The following CDCA7L variants were observed in gnomAD, a reference collection of about 807,000 sequenced individuals.
CDCA7L encodes cell division cycle-associated 7-like protein.
Under a neutral mutation model 57.4 loss-of-function variants are expected in CDCA7L, and 44 were observed. The ratio of observed to expected loss-of-function variants is 0.77; its 90% CI spans 0.60 to 0.98. CDCA7L has a LOEUF of 0.98. Ranked by LOEUF, CDCA7L falls within the 50% of genes least tolerant of loss-of-function variation. CDCA7L has a pLI of 0.00. For synonymous variants in CDCA7L, 236 were observed against 202.8 expected (o/e 1.16, Z -1.39); for missense variants, 644 against 580.6 (o/e 1.11, Z -1.12).
At chr7:21,931,886 G>A (rs942729119) in intron 1 of CDCA7L, among the ~76,000 whole-genome samples, 2 of 152,216 alleles carry the variant, frequency 1.3e-5, no homozygotes, top group African/African-American at 2.4e-5. Context: ...GTTTGCAGAT[G>A]ACATGACTGT....
Position 21,906,826 on chromosome 7 carries a change from T to A in CDCA7L, c.682-187A>T, listed in dbSNP as rs1785157840. Among the ~76,000 whole-genome samples the A allele has an allele frequency of 3.3e-5, 5 of 152,298 alleles. No homozygotes were observed. The South Asian group carries it at 1.0e-3, about 32-fold the overall frequency. On this transcript the variant is annotated intron_variant, in intron 4 of 9. Transcript: ENST00000406877. ...TGTACCTCCAGACCTGAGATGCTGA[T>A]GTCATCATTCATATGAATGAACACT...
In CDCA7L at chr7:21,908,367, G is replaced by A; in HGVS notation, c.444C>T (p.Phe148=). ...GTTTGTTGGCCAGCTTCTTGGTGGG[G>A]AACTGAAAGGCTACTCGAAGACCAA... The part of the protein sequence containing the change: ...SSIGLRVAFQ[F]PTKKLANKPD... The change falls in exon 4 of 10, where the codon TTC becomes TTT. Residue 148 remains phenylalanine (F), a synonymous_variant. Coordinates refer to ENST00000406877, the MANE Select transcript of CDCA7L (RefSeq NM_018719.5). 6.2e-7 allele frequency: 1 copy of A among 1,610,394 alleles called. No homozygotes were observed.
chr7:21,934,068 G>C (rs1371085838), intron 1 of CDCA7L, among the ~76,000 whole-genome samples: 1 of 152,120 alleles, frequency 6.6e-6, no homozygotes, highest in Non-Finnish European at 1.5e-5. Flanking sequence ...ACATTTACAT[G>C]AAAGTCACTA....
chr7:21,913,052 C>T (rs1583851946), intron 2 of CDCA7L, among the ~76,000 whole-genome samples: 1 of 152,180 alleles, frequency 6.6e-6, no homozygotes, highest in Admixed American at 6.5e-5. Context: ...TCTGATATAG[C>T]AATGACCCCT....
chr7:21,911,610 T>G lies in CDCA7L; in HGVS notation c.303+7A>C, dbSNP rs765734613. 3 of 1,607,708 alleles carry G rather than the reference T, an allele frequency of 1.9e-6. No individual in the cohort carries two copies. The South Asian group carries it at 3.4e-5, about 18-fold the overall frequency. On this transcript the variant is annotated splice_region_variant and intron_variant, in intron 3 of 9. Transcript: ENST00000406877. ...CCACCCACATCCCTTCCTGTTGTAATTATTACCATTACTTCTGGGTTAGTC... is the reference window on the plus strand; with the variant it reads ...CCACCCACATCCCTTCCTGTTGTAAGTATTACCATTACTTCTGGGTTAGTC...
chr7:21,920,915 C>T (rs1421255113), intron 1 of CDCA7L, among the ~76,000 whole-genome samples: 1 of 152,196 alleles, frequency 6.6e-6, no homozygotes, highest in Non-Finnish European at 1.5e-5. Flanking sequence ...CAGTCTTTTT[C>T]TTTTGGCCTT....
rs1562617619 is a variant in CDCA7L at position 21,902,360 on chromosome 7, A to G, written c.1335-8T>C. On this transcript the variant is annotated splice_polypyrimidine_tract_variant and splice_region_variant and intron_variant, in intron 9 of 9. Coordinates refer to ENST00000406877, the MANE Select transcript of CDCA7L (RefSeq NM_018719.5). ...ACCAGCTCCTTTTGTAAGCTGGGAA[A>G]AAGATGAGAAGTATTTGGTAAAGTA... 6.2e-7 allele frequency: 1 copy of G among 1,613,644 alleles called. No individual in the cohort carries two copies. Among genetic ancestry groups the G allele is most frequent in the African/African-American group, 1.3e-5 (1 of 74,896 alleles).
chr7:21,928,068 C>T (rs544051057), intron 1 of CDCA7L, among the ~76,000 whole-genome samples: 2 of 152,278 alleles, frequency 1.3e-5, no homozygotes, highest in South Asian at 2.1e-4. Flanking sequence ...AGGAGCGATC[C>T]GGCTGGCATC....
rs770795151 is a variant in CDCA7L at position 21,904,142 on chromosome 7, C to T, written c.1165G>A (p.Gly389Arg). ...AGCAATGCCGATCTGACATCCTCCC[C>T]ATAGCGGTTCCGCAGGCATGGTCCA... ...FCGPCLRNRYGEDVRSALLDP... is the reference protein window; with the variant it reads ...FCGPCLRNRYREDVRSALLDP... Residue 389 changes from glycine to arginine, a missense_variant, in exon 8 of 10, where the codon GGG (glycine) becomes AGG (arginine). Transcript: ENST00000406877. 1.2e-6 allele frequency: 2 copies of T among 1,611,566 alleles called. No individual in the cohort carries two copies. Among genetic ancestry groups the T allele is most frequent in the Non-Finnish European group, 1.7e-6 (2 of 1,178,884 alleles).
Position 21,904,272 on chromosome 7 carries a change from G to A in CDCA7L, c.1048-13C>T. 6.3e-7 allele frequency: 1 copy of A among 1,587,528 alleles called. No homozygotes were observed. Among genetic ancestry groups the A allele is most frequent in the South Asian group, 1.2e-5 (1 of 86,106 alleles). ...GGCACGTGTTACCCTACAGGGGGAA[G>A]GCAGTGAGCAGGTGAACACAGGGAT... is the stretch of plus-strand genomic sequence containing the variant. On this transcript the variant is annotated splice_polypyrimidine_tract_variant and intron_variant, in intron 7 of 9. Coordinates refer to ENST00000406877, the MANE Select transcript of CDCA7L (RefSeq NM_018719.5).
At chr7:21,918,850 A>T (rs911302036) in intron 1 of CDCA7L, among the ~76,000 whole-genome samples, 6 of 152,240 alleles carry the variant, frequency 3.9e-5, no homozygotes, top group African/African-American at 1.4e-4. Flanking sequence ...ACAAAAAACA[A>T]TAACAACAAC....
chr7:21,902,051 A>AAACCTGAACTTTAACCCCACCCCATTTC lies in CDCA7L; in HGVS notation c.*270_*271insGAAATGGGGTGGGGTTAAAGTTCAGGTT. On this transcript the variant is annotated 3_prime_UTR_variant, in exon 10 of 10. Coordinates refer to ENST00000406877, the MANE Select transcript of CDCA7L (RefSeq NM_018719.5). ...CCTGAACTTTAACCCCACCCCATTT[A>AAACCTGAACTTTAACCCCACCCCATTTC]AACTGTGCTTTTTAATAACTGGCAG... 2.1e-6 allele frequency: 1 copy of AAACCTGAACTTTAACCCCACCCCATTTC among 469,876 alleles called. No homozygotes were observed. Among genetic ancestry groups the AAACCTGAACTTTAACCCCACCCCATTTC allele is most frequent in the Non-Finnish European group, 3.8e-6 (1 of 259,848 alleles). The allele number at this position is 469,876 out of a possible 1,614,324, so 29.1% of individuals were successfully genotyped here.
chr7:21,911,965 A>C (rs1314294758), intron 2 of CDCA7L, among the ~76,000 whole-genome samples: 4 of 148,872 alleles, frequency 2.7e-5, no homozygotes, highest in African/African-American at 4.9e-5. Flanking sequence ...TTTTACCACA[A>C]AAAAAAAAAA....
chr7:21,901,095 C>A lies in CDCA7L; in HGVS notation c.*1227G>T. The A allele has an allele frequency of 6.2e-7, 1 of 1,613,952 alleles. No homozygotes were observed. Among genetic ancestry groups the A allele is most frequent in the Middle Eastern group, 1.6e-4 (1 of 6,062 alleles). On this transcript the variant is annotated 3_prime_UTR_variant, in exon 10 of 10. Transcript: ENST00000406877. The stretch of plus-strand genomic sequence containing the variant: ...CTATGCCGGTCATCTTTGCAAAAGC[C>A]ACCCCCGTGGACAGACAAGAAACCA...
intron 1 of CDCA7L, among the ~76,000 whole-genome samples, chr7:21,931,833 T>G (rs1236022139): frequency 2.0e-5 from 3 of 152,166 alleles, no homozygotes; most frequent in African/African-American, 7.2e-5. Flanking sequence ...GAGAAAGAAA[T>G]AAAAAGTATT....
chr7:21,929,604 G>A (rs985275018), intron 1 of CDCA7L, among the ~76,000 whole-genome samples: 2 of 116,024 alleles, frequency 1.7e-5, no homozygotes, highest in African/African-American at 7.6e-5. Flanking sequence ...TAAAAGGATG[G>A]AGGAATATTA....
intron 1 of CDCA7L, among the ~76,000 whole-genome samples, chr7:21,943,286 C>T (rs1786403288): frequency 6.6e-6 from 1 of 152,244 alleles, no homozygotes; most frequent in Non-Finnish European, 1.5e-5. Context: ...AAAGCAGACT[C>T]GAAAGTAGTT....
At chr7:21,929,416 G>C (rs892905815) in intron 1 of CDCA7L, among the ~76,000 whole-genome samples, 1 of 152,008 alleles carries the variant, frequency 6.6e-6, no homozygotes, top group Non-Finnish European at 1.5e-5. Context: ...AAAATAACCA[G>C]CTAGCATCAT....
intron 2 of CDCA7L, among the ~76,000 whole-genome samples, chr7:21,912,126 G>C (rs1450503169): frequency 6.6e-6 from 1 of 151,970 alleles, no homozygotes; most frequent in Non-Finnish European, 1.5e-5. Flanking sequence ...GCTGGGTCTG[G>C]TGGCATGTAC....
Sources: allele counts gnomAD v4.1 joint callset (sites outside exome capture counted in the v4.1 genomes callset), GRCh38; gene constraint gnomAD v4.1.1; transcripts MANE v1.5; gene names NCBI Gene and HGNC (gene_info 2026-07-23, HGNC 2026-07-21).